The following WDR44 variants were observed in gnomAD, a reference collection of about 807,000 sequenced individuals.
WDR44 encodes the protein WD repeat domain 44.
A neutral mutation model predicts 65.7 loss-of-function variants in WDR44; 9 were observed. The ratio of observed to expected loss-of-function variants is 0.14; its 90% confidence interval spans 0.08 to 0.24. WDR44 has a LOEUF of 0.24. WDR44 is among the 10% of genes least tolerant of loss of function. The probability of loss-of-function intolerance (pLI) is 1.00; values close to 1 mark genes in which losing one functional copy is unlikely to be tolerated. For missense variants in WDR44, 425 were observed against 670.9 expected, an observed-to-expected ratio of 0.63 and a Z score of 4.05; for synonymous variants, 220 against 235.2, an observed-to-expected ratio of 0.94 and a Z score of 0.59.
At chrX:118,425,710 T>G (rs1363777821) in intron 12 of WDR44, among the ~76,000 whole-genome samples, 1 of 112,298 alleles carries the variant, frequency 8.9e-6, no homozygotes, top group Non-Finnish European at 1.9e-5. Context: ...ACAGTATATC[T>G]GCTACATATT....
chrX:118,441,713 A>T (rs2057305925), intron 15 of WDR44, among the ~76,000 whole-genome samples, 154 bp downstream of exon 15: 1 of 111,677 alleles, frequency 9.0e-6, no homozygotes, highest in Admixed American at 9.5e-5. Flanking sequence ...GGAACAGATG[A>T]CTTTTGAGAT....
intron 1 of WDR44, among the ~76,000 whole-genome samples, chrX:118,367,842 T>C (rs191283039): frequency 9.0e-6 from 1 of 111,480 alleles, no homozygotes; most frequent in East Asian, 2.8e-4. Flanking sequence ...ACTCTTGCCT[T>C]CTGACTGATT....
At chrX:118,364,520 C>G (rs2056537471) in intron 1 of WDR44, among the ~76,000 whole-genome samples, 1 of 112,044 alleles carries the variant, frequency 8.9e-6, no homozygotes, top group South Asian at 3.7e-4. Flanking sequence ...CAGATTGTGA[C>G]CTTTCTGTGG....
At chrX:118,448,314 A>G (rs1357298261) in intron 19 of WDR44, among the ~76,000 whole-genome samples, 2 of 112,195 alleles carry the variant, frequency 1.8e-5, no homozygotes, top group African/African-American at 3.2e-5. Flanking sequence ...CTTTTATGCA[A>G]CTGGCAAATG....
Position 118,449,455 on chromosome X carries a change from GT to G in WDR44, c.*472del, listed in dbSNP as rs2057373610. ...AGTGGTATCTTTTGACTGAGTTATT[GT>G]TTTGAAAATGGTATATAGGTTTCCA... On this transcript the variant is annotated 3_prime_UTR_variant, in exon 20 of 20. Transcript: ENST00000254029. 9.0e-6 allele frequency: 1 copy of G among 110,639 alleles called. No individual in the cohort carries two copies. Among genetic ancestry groups the G allele is most frequent in the Non-Finnish European group, 1.9e-5 (1 of 52,865 alleles). 9.1% of individuals were successfully genotyped at this position (110,639 alleles called of 1,213,427 possible).
chrX:118,397,131 C>G, intron 7 of WDR44, 25 bp downstream of exon 7: 1 of 1,112,904 alleles, frequency 9.0e-7, no homozygotes, highest in Admixed American at 3.2e-5. Context: ...TGTTATTTGT[C>G]ATTTCTAGTA....
At chrX:118,352,308 C>G (rs2056412924) in intron 1 of WDR44, among the ~76,000 whole-genome samples, 1 of 75,556 alleles carries the variant, frequency 1.3e-5, no homozygotes, top group African/African-American at 5.2e-5. Flanking sequence ...CACCACCACG[C>G]CCAGCTAATT....
At chrX:118,397,220 G>A in intron 7 of WDR44, 114 bp downstream of exon 7, 1 of 636,568 alleles carries the variant, frequency 1.6e-6, no homozygotes, top group Middle Eastern at 4.9e-4. Context: ...TTTTCTTCTG[G>A]AATTAAAATA....
At chrX:118,436,436 G>A in intron 13 of WDR44, 1 of 368,233 alleles carries the variant, frequency 2.7e-6, no homozygotes, top group Non-Finnish European at 5.0e-6. Context: ...CTGGTGCCTG[G>A]CAGATTTCTT....
intron 12 of WDR44, among the ~76,000 whole-genome samples, chrX:118,414,756 T>C (rs1038881360): frequency 8.9e-6 from 1 of 112,136 alleles, no homozygotes; most frequent in African/African-American, 3.2e-5. Context: ...CTGAATTCTT[T>C]TATCAGTTCT....
chrX:118,448,180 A>T (rs940385997), intron 19 of WDR44, among the ~76,000 whole-genome samples: 2 of 110,319 alleles, frequency 1.8e-5, no homozygotes, highest in African/African-American at 6.6e-5. Context: ...TGTGTGACTC[A>T]TCCTGTCCAC....
chrX:118,360,936 C>G (rs2056505858), intron 1 of WDR44, among the ~76,000 whole-genome samples: 1 of 111,182 alleles, frequency 9.0e-6, no homozygotes, highest in African/African-American at 3.3e-5. Context: ...TCCTTTTTAC[C>G]TCTTTAGGAG....
rs901880531 is a variant in WDR44, at chrX:118,361,753, C to CA, written c.77+15182dup. On this transcript the variant is annotated intron_variant, in intron 1 of 19. Transcript: ENST00000254029. The stretch of plus-strand genomic sequence containing the variant: ...AGTCTGGGAAACAGAGACCTTGTCT[C>CA]AAAAAAAAATAATAACTACACCTAA... 1.6e-4 allele frequency among the ~76,000 whole-genome samples: 17 copies of CA among 108,839 alleles called. No homozygotes were observed. The South Asian group carries it at 1.9e-3, about 12-fold the overall frequency. The allele number at this position is 108,839 out of a possible 115,157, so 94.5% of individuals were successfully genotyped here.
At chrX:118,364,754 C>A (rs1273528571) in intron 1 of WDR44, among the ~76,000 whole-genome samples, 2 of 111,798 alleles carry the variant, frequency 1.8e-5, no homozygotes, top group Non-Finnish European at 3.8e-5. Context: ...CTACAATATC[C>A]CTATTGAGAC....
intron 2 of WDR44, 74 bp from the exon 3 acceptor site, chrX:118,387,266 T>G (rs960815065): frequency 1.5e-6 from 1 of 645,347 alleles, no homozygotes; most frequent in African/African-American, 2.3e-5. Context: ...TTTTCTCATT[T>G]GTACCCCTTT....
At chrX:118,398,591 C>T (rs915207742) in intron 8 of WDR44, 121 bp downstream of exon 8, 3 of 567,812 alleles carry the variant, frequency 5.3e-6, no homozygotes, top group Non-Finnish European at 2.8e-6. Context: ...ACCATTCCTC[C>T]CTGTCCCTCG....
intron 1 of WDR44, among the ~76,000 whole-genome samples, chrX:118,348,667 G>A (rs2056374849): frequency 8.9e-6 from 1 of 111,805 alleles, no homozygotes; most frequent in African/African-American, 3.3e-5. Flanking sequence ...ATCCTTTGTG[G>A]AAGGTTGTAT....
intron 5 of WDR44, among the ~76,000 whole-genome samples, 194 bp from the exon 6 acceptor site, chrX:118,395,055 C>CA (rs2056853855): frequency 8.9e-6 from 1 of 111,753 alleles, no homozygotes. Context: ...ATTTCATGAG[C>CA]AGCAATAGTT....
At chrX:118,362,633 G>A (rs1602864475) in intron 1 of WDR44, among the ~76,000 whole-genome samples, 2 of 110,426 alleles carry the variant, frequency 1.8e-5, no homozygotes, top group South Asian at 3.9e-4. Flanking sequence ...AAATAGACAC[G>A]TGCAAATTTT....
Sources: gnomAD v4.1 joint callset for allele counts (sites outside exome capture counted in the v4.1 genomes callset) on GRCh38, gnomAD v4.1.1 for gene constraint, MANE v1.5 for transcripts, NCBI Gene and HGNC (gene_info 2026-07-23, HGNC 2026-07-21) for gene names.